The following PLBD1 variants were observed in gnomAD, a reference collection of about 807,000 sequenced individuals.
PLBD1 encodes the protein phospholipase B domain containing 1.
A neutral mutation model predicts 63.0 loss-of-function variants in PLBD1; 60 were observed. The observed-to-expected ratio is 0.95, with a 90% confidence interval of 0.77 to 1.18. PLBD1 has a LOEUF of 1.18. Among genes scored for constraint, PLBD1 ranks in the 50% most tolerant of loss-of-function variants. PLBD1 has a pLI of 0.00. For synonymous variants in PLBD1, 262 were observed against 248.0 expected, an observed-to-expected ratio of 1.06 and a Z score of -0.53; for missense variants, 598 against 677.9, an observed-to-expected ratio of 0.88 and a Z score of 1.31.
intron 2 of PLBD1, among the ~76,000 whole-genome samples, chr12:14,542,706 C>T (rs1466036768): frequency 6.6e-6 from 1 of 152,054 alleles, no homozygotes; most frequent in Admixed American, 6.6e-5. Flanking sequence ...TACATTTAAC[C>T]ATAAATAATG....
intron 2 of PLBD1, among the ~76,000 whole-genome samples, chr12:14,549,513 T>G (rs1945640432): frequency 6.6e-6 from 1 of 152,130 alleles, no homozygotes; most frequent in Admixed American, 6.6e-5. Context: ...AGAGGTCATC[T>G]TTTATATTTA....
At chr12:14,529,513 G>C (rs1945442979) in intron 6 of PLBD1, among the ~76,000 whole-genome samples, 1 of 151,904 alleles carries the variant, frequency 6.6e-6, no homozygotes, top group Non-Finnish European at 1.5e-5. Flanking sequence ...TATTAATAAA[G>C]GAAAAAATTC....
chr12:14,534,051 G>A (rs1044289573), intron 6 of PLBD1, among the ~76,000 whole-genome samples: 2 of 152,154 alleles, frequency 1.3e-5, no homozygotes, highest in African/African-American at 4.8e-5. Flanking sequence ...GGGAGGCTGA[G>A]GCAAGAGGAT....
intron 2 of PLBD1, among the ~76,000 whole-genome samples, chr12:14,546,345 AAC>A (rs1029042226): frequency 5.9e-5 from 9 of 152,042 alleles, no homozygotes; most frequent in African/African-American, 1.7e-4. Context: ...AAAAACAAAA[AAC>A]AGTTATATGA....
chr12:14,522,002 TA>T (rs1945380623), intron 6 of PLBD1, among the ~76,000 whole-genome samples: 1 of 148,616 alleles, frequency 6.7e-6, no homozygotes, highest in Non-Finnish European at 1.5e-5. Flanking sequence ...ATAAAAAATA[TA>T]ATGGAAAGTT....
intron 6 of PLBD1, among the ~76,000 whole-genome samples, chr12:14,516,247 T>G (rs556675343): frequency 2.6e-5 from 4 of 152,240 alleles, no homozygotes; most frequent in Admixed American, 1.3e-4. Context: ...GGGATTCGCT[T>G]GAACCCAGGA....
At chr12:14,532,035 C>A (rs1361898368) in intron 6 of PLBD1, among the ~76,000 whole-genome samples, 1 of 152,188 alleles carries the variant, frequency 6.6e-6, no homozygotes, top group Non-Finnish European at 1.5e-5. Context: ...TAAGGCTTCA[C>A]AATTTAAGTC....
chr12:14,506,654 T>G (rs1327781943), intron 9 of PLBD1, among the ~76,000 whole-genome samples: 1 of 152,216 alleles, frequency 6.6e-6, no homozygotes, highest in Non-Finnish European at 1.5e-5. Context: ...AACTTGTGTT[T>G]GGAGAAAAAT....
intron 6 of PLBD1, among the ~76,000 whole-genome samples, chr12:14,518,483 T>TTA (rs939078391): frequency 8.5e-5 from 13 of 152,184 alleles, no homozygotes; most frequent in Non-Finnish European, 2.9e-5. Flanking sequence ...CCTGAACATC[T>TTA]TAGACTCCTG....
chr12:14,527,009 A>G (rs1404745669), intron 6 of PLBD1, among the ~76,000 whole-genome samples: 1 of 152,166 alleles, frequency 6.6e-6, no homozygotes, highest in African/African-American at 2.4e-5. Flanking sequence ...CAACATACAC[A>G]TACGCCTTCA....
At chr12:14,521,465 G>A (rs530708030) in intron 6 of PLBD1, among the ~76,000 whole-genome samples, 3 of 152,154 alleles carry the variant, frequency 2.0e-5, no homozygotes, top group African/African-American at 7.2e-5. Context: ...GAAAAGCCAT[G>A]CATATGATTT....
At chr12:14,567,483 G>A (rs1020430674) in intron 1 of PLBD1, 99 bp downstream of exon 1, 4 of 1,367,876 alleles carry the variant, frequency 2.9e-6, no homozygotes, top group Admixed American at 3.8e-5. Context: ...GGAACCAGAC[G>A]CCCGCTGGAC....
chr12:14,531,820 A>G (rs6488692), intron 6 of PLBD1, among the ~76,000 whole-genome samples: 146,757 of 152,110 alleles, frequency 0.96, 70,959 homozygotes, highest in East Asian at 1. Context: ...TTTTGCAGAG[A>G]CGGGCTCTTG....
At chr12:14,563,001 AT>A (rs1330169999) in intron 1 of PLBD1, among the ~76,000 whole-genome samples, 7 of 152,160 alleles carry the variant, frequency 4.6e-5, no homozygotes, top group East Asian at 1.9e-4. Flanking sequence ...GCCACCATGA[AT>A]TTTTTTTAAA....
intron 1 of PLBD1, among the ~76,000 whole-genome samples, chr12:14,564,902 C>T (rs1945768566): frequency 6.6e-6 from 1 of 152,158 alleles, no homozygotes; most frequent in Non-Finnish European, 1.5e-5. Context: ...GAATGACTTC[C>T]AAGATGTTAA....
chr12:14,553,596 G>T lies in PLBD1; in HGVS notation c.116-184C>A, dbSNP rs373143791. The T allele has an allele frequency of 1.8e-5, 11 of 619,836 alleles. No homozygotes were observed. The East Asian group carries it at 2.2e-4, about 12-fold the overall frequency. The allele number at this position is 619,836 out of a possible 1,614,324, so 38.4% of individuals were successfully genotyped here. ...GGGAAAAACTGGAATCCCAATCAAG[G>T]GGGATAAGCCCAAAACACAAAGAGC... On this transcript the variant is annotated intron_variant, in intron 1 of 10. Coordinates refer to ENST00000240617, the MANE Select transcript of PLBD1 (RefSeq NM_024829.6).
In PLBD1 at chr12:14,553,188, C is replaced by T. The variant is rs1156328205; in HGVS notation, c.335+5G>A. The T allele has an allele frequency of 1.2e-6, 2 of 1,604,054 alleles. No individual in the cohort carries two copies. Among genetic ancestry groups the T allele is most frequent in the Non-Finnish European group, 1.7e-6 (2 of 1,175,396 alleles). On this transcript the variant is annotated splice_donor_5th_base_variant and intron_variant, in intron 2 of 10. Transcript: ENST00000240617. ...CAGTGGCTCTACCATGACTGGGATA[C>T]TTACGGGGCAGTGAGGTAACCCTCC...
In PLBD1 at chr12:14,535,659, C is replaced by T. The variant is rs1459080796; in HGVS notation, c.844G>A (p.Gly282Arg). The T allele has an allele frequency of 6.2e-7, 1 of 1,613,642 alleles. No homozygotes were observed. Among genetic ancestry groups the T allele is most frequent in the Non-Finnish European group, 8.5e-7 (1 of 1,179,836 alleles). ...CAGATGTTCCTTTAAATTCATTTACCTGGGTAACTGCTGAAAGAGAGGCGA... is the reference window on the plus strand; with the variant it reads ...CAGATGTTCCTTTAAATTCATTTACTTGGGTAACTGCTGAAAGAGAGGCGA... ...SSRLSFSSYP[G>R]FLESLDDFYI... The change falls in exon 6 of 11, where the codon GGG becomes AGG. Residue 282 changes from glycine to arginine, a missense_variant and splice_region_variant. Physicochemically the swap from Gly to Arg is moderately radical, Grantham distance 125. Transcript: ENST00000240617.
intron 6 of PLBD1, among the ~76,000 whole-genome samples, chr12:14,531,548 C>G (rs763837458): frequency 1.6e-4 from 25 of 152,180 alleles, no homozygotes; most frequent in Non-Finnish European, 5.9e-5. Flanking sequence ...TAAAGCTACA[C>G]TGGGAATTTT....
Sources: allele counts gnomAD v4.1 joint callset (sites outside exome capture counted in the v4.1 genomes callset), GRCh38; gene constraint gnomAD v4.1.1; transcripts MANE v1.5; gene names NCBI Gene and HGNC (gene_info 2026-07-23, HGNC 2026-07-21).